FCHSD1: variants seen among roughly 807,000 people sequenced by gnomAD.
The protein encoded by FCHSD1 is FCH and double SH3 domains 1, also known as F-BAR and double SH3 domains protein 1.
FCHSD1 carries 109 observed loss-of-function variants against 101.3 expected under a neutral mutation model. The ratio of observed to expected loss-of-function variants is 1.08; its 90% CI spans 0.92 to 1.26. The LOEUF (loss-of-function observed/expected upper bound fraction) is 1.26, where lower values mean the gene tolerates loss of function less well. Ranked by LOEUF, FCHSD1 falls within the 50% of genes most tolerant of loss-of-function variation. The pLI is 0.00. For synonymous variants in FCHSD1, 291 were observed against 356.8 expected, an observed-to-expected ratio of 0.82 and a Z score of 2.08; for missense variants, 820 against 895.8, an observed-to-expected ratio of 0.92 and a Z score of 1.08.
In FCHSD1 at chr5:141,641,410, C is replaced by T. The variant is rs1288522204; in HGVS notation, c.*88G>A. ...AAATAAGGGCGATTCCAGCTTTTGGCTGTGTTGCTCTGGATCATTGATGGT... is the reference window on the plus strand; with the variant it reads ...AAATAAGGGCGATTCCAGCTTTTGGTTGTGTTGCTCTGGATCATTGATGGT... On this transcript the variant is annotated 3_prime_UTR_variant, in exon 20 of 20. Transcript: ENST00000435817. 23 of 1,212,388 alleles carry T rather than the reference C, an allele frequency of 1.9e-5. No homozygotes were observed. Among genetic ancestry groups the T allele is most frequent in the Non-Finnish European group, 2.4e-5 (22 of 911,104 alleles). 75.1% of individuals were successfully genotyped at this position (1,212,388 alleles called of 1,614,324 possible).
intron 17 of FCHSD1, 32 bp from the exon 18 acceptor site, chr5:141,643,120 G>A: frequency 4.3e-6 from 6 of 1,404,216 alleles, no homozygotes; most frequent in Non-Finnish European, 5.6e-6. Context: ...AGTTATTCCT[G>A]GCATGTGGGG....
chr5:141,649,020 C>A lies in FCHSD1; in HGVS notation c.513G>T (p.Arg171Ser). 6.2e-7 allele frequency: 1 copy of A among 1,613,956 alleles called. No individual in the cohort carries two copies. The highest frequency in any genetic ancestry group is 8.5e-7 in the Non-Finnish European group (1 of 1,179,870). The change falls in exon 7 of 20, where the codon AGG becomes AGT. Residue 171 changes from arginine to serine, a missense_variant and splice_region_variant. By Grantham distance (110) the Arg-to-Ser change is moderately radical. Transcript: ENST00000435817. The surrounding 1 kb of genome is among the most constrained non-coding windows in gnomAD (Gnocchi z 4.1). ...AQEKAADVQA[R>S]LNRSDHGIFH... ...AGATCCCATGGTCACTTCGGTTTAG[C>A]CTGTGCAGATGAGAGAAAGGAGTCA...
At chr5:141,646,772 C>T (rs1340829855) in intron 10 of FCHSD1, 50 bp from the exon 11 acceptor site, 2 of 1,583,778 alleles carry the variant, frequency 1.3e-6, no homozygotes, top group Non-Finnish European at 1.7e-6. Flanking sequence ...TGCTCCTTCT[C>T]TCCAGTTCCC....
rs929595696 is a variant in FCHSD1, at chr5:141,639,810, C to T, written c.*1688G>A. 2 of 1,347,900 alleles carry T rather than the reference C, an allele frequency of 1.5e-6. No homozygotes were observed. Among genetic ancestry groups the T allele is most frequent in the African/African-American group, 2.9e-5 (2 of 69,454 alleles). The allele number at this position is 1,347,900 out of a possible 1,614,324, so 83.5% of individuals were successfully genotyped here. A position where few individuals can be genotyped will look rare whatever the true frequency, so the allele number is the denominator to read the frequency against. On this transcript the variant is annotated 3_prime_UTR_variant, in exon 20 of 20. Transcript: ENST00000435817. The surrounding 1 kb of genome is among the most constrained non-coding windows in gnomAD (Gnocchi z 4.4). ...CACAATCTGAGAAGGCCTCCCCTAC[C>T]TTAGGCCAGAGGGAAGTAGCCACCA...
intron 18 of FCHSD1, 155 bp downstream of exon 18, chr5:141,642,846 G>A: frequency 1.5e-6 from 1 of 661,922 alleles, no homozygotes; most frequent in Middle Eastern, 4.1e-4. Flanking sequence ...AGCGGGACCT[G>A]AACCAGTCAG....
At chr5:141,648,567 C>A (rs753104438) in intron 7 of FCHSD1, among the ~76,000 whole-genome samples, 10 of 152,172 alleles carry the variant, frequency 6.6e-5, no homozygotes, top group Non-Finnish European at 1.3e-4. Context: ...TAAATTCTAC[C>A]CCCTTGTTAT....
rs2099906831 is a variant in FCHSD1 at position 141,641,038 on chromosome 5, T to C, written c.*460A>G. ...GCCTGGCCTTCGTGCCCTTTATTCA[T>C]TGTCAATAAATCCGCTCAGACCATT... On this transcript the variant is annotated 3_prime_UTR_variant, in exon 20 of 20. Coordinates refer to ENST00000435817, the MANE Select transcript of FCHSD1 (RefSeq NM_033449.3). 3 of 349,108 alleles carry C rather than the reference T, an allele frequency of 8.6e-6. No individual in the cohort carries two copies. The highest frequency in any genetic ancestry group is 1.6e-5 in the Non-Finnish European group (3 of 193,306). The allele number at this position is 349,108 out of a possible 1,614,324, so 21.6% of individuals were successfully genotyped here.
intron 17 of FCHSD1, among the ~76,000 whole-genome samples, chr5:141,643,524 A>G (rs1379810150): frequency 6.6e-6 from 1 of 152,192 alleles, no homozygotes; most frequent in Admixed American, 6.5e-5. Flanking sequence ...GATATCTTAT[A>G]TTGAAACACC....
intron 2 of FCHSD1, 71 bp downstream of exon 2, chr5:141,650,949 A>G (rs919384433): frequency 1.1e-5 from 16 of 1,414,482 alleles, no homozygotes; most frequent in Non-Finnish European, 1.5e-5. Context: ...CCACCCCAGC[A>G]CATGTATATT....
intron 19 of FCHSD1, 22 bp downstream of exon 19, chr5:141,641,677 TCTC>T (rs759902074): frequency 2.1e-5 from 34 of 1,613,668 alleles, no homozygotes; most frequent in East Asian, 2.0e-4. Context: ...CTACATACAA[TCTC>T]CTCCAAGGCA....
chr5:141,645,218 A>G (rs2099907504), intron 13 of FCHSD1, 70 bp from the exon 14 acceptor site: 1 of 1,509,466 alleles, frequency 6.6e-7, no homozygotes, highest in Non-Finnish European at 8.8e-7. Context: ...CCACTCTTCC[A>G]TCTTTCCTCT....
chr5:141,647,485 G>A lies in FCHSD1; in HGVS notation c.741C>T (p.Asp247=). The change falls in exon 9 of 20, where the codon GAC becomes GAT. Residue 247 remains aspartate, a synonymous_variant. Coordinates refer to ENST00000435817, the MANE Select transcript of FCHSD1 (RefSeq NM_033449.3). Reference sequence around the variant, plus strand: ...CAGTGTGGCTCAGGGAGGTCAGGGGGTCCCTCAAGTGCTCTGACAGCTCAC... The same window carrying A: ...CAGTGTGGCTCAGGGAGGTCAGGGGATCCCTCAAGTGCTCTGACAGCTCAC... ...LVSELSEHLR[D]PLTSLSHTEL... is the part of the protein sequence containing the mutation. The A allele has an allele frequency of 1.2e-6, 2 of 1,612,572 alleles. No homozygotes were observed. Among genetic ancestry groups the A allele is most frequent in the Non-Finnish European group, 1.7e-6 (2 of 1,179,466 alleles).
rs1222866828 is a variant in FCHSD1 at position 141,649,960 on chromosome 5, GA to G, written c.166-7del. Reference sequence around the variant, plus strand: ...CCAGCCAGTTTCTGGAGTGCCTGGTGAAAAAGCCATCACAGAACCAAGTTCC... The same window carrying G: ...CCAGCCAGTTTCTGGAGTGCCTGGTGAAAAGCCATCACAGAACCAAGTTCC... On this transcript the variant is annotated splice_region_variant and splice_polypyrimidine_tract_variant and intron_variant, in intron 3 of 19. Transcript: ENST00000435817. This position sits in a 1 kb window ranked among gnomAD's most constrained non-coding sequence, Gnocchi z 4.1. 3.9e-6 allele frequency: 6 copies of G among 1,540,408 alleles called. No homozygotes were observed. The highest frequency in any genetic ancestry group is 4.4e-5 in the Admixed American group (2 of 45,928).
rs1385921788 is a variant in FCHSD1 at position 141,641,269 on chromosome 5, G to T, written c.*229C>A. ...ATTTCACCACCCTAGATAGGGTCAT[G>T]ACAGAAGAGAAGGTAGTTCCGGTCC... On this transcript the variant is annotated 3_prime_UTR_variant, in exon 20 of 20. Transcript: ENST00000435817. The T allele has an allele frequency of 2.5e-5, 11 of 448,814 alleles. No individual in the cohort carries two copies. Among genetic ancestry groups the T allele is most frequent in the Non-Finnish European group, 3.9e-5 (10 of 257,836 alleles). 27.8% of individuals were successfully genotyped at this position (448,814 alleles called of 1,614,324 possible). A position where few individuals can be genotyped will look rare whatever the true frequency, so the allele number is the denominator to read the frequency against.
chr5:141,646,992 G>T, intron 10 of FCHSD1, 143 bp downstream of exon 10: 1 of 898,262 alleles, frequency 1.1e-6, no homozygotes, highest in South Asian at 1.8e-5. Flanking sequence ...GTGTCCTGTT[G>T]GGAGGGAGGT....
Position 141,640,207 on chromosome 5 carries a change from T to C in FCHSD1, c.*1291A>G. On this transcript the variant is annotated 3_prime_UTR_variant, in exon 20 of 20. Transcript: ENST00000435817. ...CCCAGAGCTTCTGCAGAGCCAACAC[T>C]GAGGGCCGGAGGGAGGGGCCCAAGC... The C allele has an allele frequency of 6.2e-7, 1 of 1,614,120 alleles. No individual in the cohort carries two copies.
rs200186565 is a variant in FCHSD1, at chr5:141,650,381, G to C, written c.143C>G (p.Ala48Gly). The change falls in exon 3 of 20, where the codon GCC becomes GGC. Residue 48 changes from alanine to glycine, a missense_variant. Coordinates refer to ENST00000435817, the MANE Select transcript of FCHSD1 (RefSeq NM_033449.3). Reference protein sequence around the residue: ...DIRSYSKQRAAIEREYGQALQ... With the variant: ...DIRSYSKQRAGIEREYGQALQ... ...TACCTGCCCATACTCCCGTTCAATGGCTGCCCTCTGCTTGCTGTAGGATCT... is the reference window on the plus strand; with the variant it reads ...TACCTGCCCATACTCCCGTTCAATGCCTGCCCTCTGCTTGCTGTAGGATCT... 1 of 1,613,934 alleles carries C rather than the reference G, an allele frequency of 6.2e-7. No homozygotes were observed. Among genetic ancestry groups the C allele is most frequent in the East Asian group, 2.2e-5 (1 of 44,872 alleles).
At position 141,644,327 on chromosome 5, in the gene FCHSD1, T is replaced by C. The variant is rs2099907388; in HGVS notation, c.1754A>G (p.Asp585Gly). 6.2e-7 allele frequency: 1 copy of C among 1,613,774 alleles called. No individual in the cohort carries two copies. The highest frequency in any genetic ancestry group is 1.1e-5 in the South Asian group (1 of 91,078). Residue 585 changes from aspartate to glycine, a missense_variant, in exon 17 of 20, where the codon GAC becomes GGC. Transcript: ENST00000435817. ...LLPRAQDGVDDGFWRGEFGGR... is the reference protein window; with the variant it reads ...LLPRAQDGVDGGFWRGEFGGR... ...CCCAAATTCTCCCCTCCAGAAGCCG[T>C]CATCTACTCCATCTTGGGCCCGGGG...
At position 141,647,406 on chromosome 5, in the gene FCHSD1, T is replaced by C; in HGVS notation, c.820A>G (p.Thr274Ala). ...LEHAHRGEQTTSQVSWEQDLK... is the reference protein window; with the variant it reads ...LEHAHRGEQTASQVSWEQDLK... Reference sequence around the variant, plus strand: ...GAGGCCACAGCCCTCACCTGGGAGGTTGTCTGCTCCCCGCGGTGGGCATGC... The same window carrying C: ...GAGGCCACAGCCCTCACCTGGGAGGCTGTCTGCTCCCCGCGGTGGGCATGC... The change falls in exon 9 of 20, where the codon ACC (threonine) becomes GCC (alanine). Residue 274 changes from threonine (T) to alanine (A), a missense_variant. By Grantham distance (58) the Thr-to-Ala change is moderately conservative (BLOSUM62 0). Coordinates refer to ENST00000435817, the MANE Select transcript of FCHSD1 (RefSeq NM_033449.3). 1.3e-6 allele frequency: 2 copies of C among 1,595,398 alleles called. No homozygotes were observed. The highest frequency in any genetic ancestry group is 1.7e-6 in the Non-Finnish European group (2 of 1,169,676).
Sources: gnomAD v4.1 joint callset for allele counts (sites outside exome capture counted in the v4.1 genomes callset) on GRCh38, gnomAD v4.1.1 for gene constraint, Gnocchi (gnomAD v3.1) non-coding constraint, MANE v1.5 for transcripts, NCBI Gene and HGNC (gene_info 2026-07-23, HGNC 2026-07-21) for gene names.